The following MAST4 variants were observed in gnomAD, a reference collection of about 807,000 sequenced individuals.
MAST4 encodes the protein microtubule associated serine/threonine kinase family member 4, also known as microtubule-associated serine/threonine-protein kinase 4.
MAST4 carries 89 observed loss-of-function variants against 162.7 expected under a neutral mutation model. The ratio of observed to expected loss-of-function variants is 0.55; its 90% CI spans 0.46 to 0.65. The LOEUF is 0.65. Among genes scored for constraint, MAST4 ranks in the 30% least tolerant of loss-of-function variants. MAST4 has a pLI of 0.00. For missense variants in MAST4, 3,153 were observed against 3,374.0 expected, an observed-to-expected ratio of 0.93 and a Z score of 1.62; for synonymous variants, 1,479 against 1,361.1, an observed-to-expected ratio of 1.09 and a Z score of -1.91.
In MAST4 at chr5:66,973,519, C is replaced by T. The variant is rs574311445; in HGVS notation, c.674+73537C>T. On this transcript the variant is annotated intron_variant, in intron 4 of 28. Transcript: ENST00000403625. The stretch of plus-strand genomic sequence containing the variant: ...CAAGAACAGGTGATGATGTCCTCCT[C>T]ATAGCATCACACCAGGAAGTCCAAA... Among the ~76,000 whole-genome samples the T allele has an allele frequency of 2.0e-5, 3 of 152,280 alleles. No individual in the cohort carries two copies. In the East Asian group the frequency reaches 5.8e-4, roughly 29 times the overall value.
At chr5:67,017,269 A>G (rs910163342) in intron 4 of MAST4, among the ~76,000 whole-genome samples, 2 of 152,206 alleles carry the variant, frequency 1.3e-5, no homozygotes, top group African/African-American at 4.8e-5. Context: ...TGGTGATACA[A>G]TATGTGAGCT....
At chr5:66,737,764 C>G (rs555247328) in intron 1 of MAST4, among the ~76,000 whole-genome samples, 1 of 152,182 alleles carries the variant, frequency 6.6e-6, no homozygotes, top group Admixed American at 6.5e-5. Context: ...TCACTCCTTA[C>G]AGCATAATTT....
intron 1 of MAST4, among the ~76,000 whole-genome samples, chr5:66,657,023 T>C (rs1221649446): frequency 1.3e-5 from 2 of 152,210 alleles, no homozygotes; most frequent in Non-Finnish European, 2.9e-5. Flanking sequence ...TATCTATTTA[T>C]TTTTGCAGTT....
chr5:66,800,613 G>A (rs1226404582), intron 3 of MAST4, among the ~76,000 whole-genome samples: 2 of 152,052 alleles, frequency 1.3e-5, no homozygotes, highest in East Asian at 3.9e-4. Context: ...ATACCTGGGT[G>A]ATGAAATAAT....
At chr5:67,138,822 A>G in intron 19 of MAST4, among the ~76,000 whole-genome samples, 1 of 152,090 alleles carries the variant, frequency 6.6e-6, no homozygotes, top group Admixed American at 6.5e-5. Context: ...AAAATTTCAG[A>G]TTTTGGAGCA....
intron 4 of MAST4, among the ~76,000 whole-genome samples, chr5:66,980,197 C>T (rs1248626065): frequency 6.6e-6 from 1 of 152,110 alleles, no homozygotes; most frequent in East Asian, 1.9e-4. Flanking sequence ...AGAGATAAGT[C>T]CCCCAGGGGT....
chr5:66,951,700 A>T (rs934546471), intron 4 of MAST4, among the ~76,000 whole-genome samples: 1 of 130,756 alleles, frequency 7.6e-6, no homozygotes. Context: ...CTCCTTTATA[A>T]CTTTGTGCTT....
intron 3 of MAST4, among the ~76,000 whole-genome samples, chr5:66,871,431 A>G (rs1000447634): frequency 2.0e-5 from 3 of 152,218 alleles, no homozygotes; most frequent in Admixed American, 1.3e-4. Flanking sequence ...CAGCAGTTAT[A>G]CATGTTATGT....
chr5:66,747,030 G>A (rs901630313), intron 1 of MAST4, among the ~76,000 whole-genome samples: 22 of 151,684 alleles, frequency 1.5e-4, no homozygotes, highest in Non-Finnish European at 2.4e-4. Flanking sequence ...AATGCCTACA[G>A]TGTCGTGCTC....
Position 66,831,351 on chromosome 5 carries a change from T to C in MAST4, c.642+42557T>C, listed in dbSNP as rs184503517. ...TTTTTAAAAGCATCTGTGCATTGAA[T>C]AGATACATAGTATGTGAGACAAACC... On this transcript the variant is annotated intron_variant, in intron 3 of 28. Coordinates refer to ENST00000403625, the MANE Select transcript of MAST4 (RefSeq NM_001164664.2). Among the ~76,000 whole-genome samples, 5 of 152,282 alleles carry C rather than the reference T, an allele frequency of 3.3e-5. No homozygotes were observed. In the East Asian group the frequency reaches 7.7e-4, roughly 24 times the overall value.
chr5:66,861,617 G>T lies in MAST4; in HGVS notation c.643-38334G>T, dbSNP rs181500166. Among the ~76,000 whole-genome samples the T allele has an allele frequency of 3.2e-4, 49 of 152,328 alleles. No homozygotes were observed. The East Asian group carries it at 5.0e-3, about 16-fold the overall frequency. On this transcript the variant is annotated intron_variant, in intron 3 of 28. Transcript: ENST00000403625. Reference sequence around the variant, plus strand: ...TGGAACCACTGTGGGGAGCCAAAATGCTGTGTTTTACATTCTCCTGGTAAA... The same window carrying T: ...TGGAACCACTGTGGGGAGCCAAAATTCTGTGTTTTACATTCTCCTGGTAAA...
intron 23 of MAST4, among the ~76,000 whole-genome samples, chr5:67,148,806 A>G (rs1041437465): frequency 7.2e-5 from 11 of 152,324 alleles, no homozygotes; most frequent in Middle Eastern, 3.4e-3. Flanking sequence ...AGAAGTGAGA[A>G]GAGACACTTT....
intron 4 of MAST4, among the ~76,000 whole-genome samples, chr5:67,015,713 G>A (rs896424820): frequency 3.9e-5 from 6 of 152,080 alleles, no homozygotes; most frequent in Non-Finnish European, 8.8e-5. Context: ...TTATAAATTC[G>A]GCCAAAAGAC....
chr5:66,941,605 A>G (rs1178971449), intron 4 of MAST4, among the ~76,000 whole-genome samples: 1 of 152,154 alleles, frequency 6.6e-6, no homozygotes, highest in East Asian at 1.9e-4. Flanking sequence ...AGGCTGTTTC[A>G]CTTTCTTACC....
chr5:67,153,648 A>G, intron 26 of MAST4, 68 bp downstream of exon 26: 2 of 1,424,536 alleles, frequency 1.4e-6, no homozygotes, highest in Non-Finnish European at 1.9e-6. Flanking sequence ...GTACCAGGAG[A>G]TTGATTTCCC....
chr5:67,160,444 T>C lies in MAST4; in HGVS notation c.3649-12T>C, dbSNP rs761563595. 1 of 1,602,142 alleles carries C rather than the reference T, an allele frequency of 6.2e-7. No homozygotes were observed. Among genetic ancestry groups the C allele is most frequent in the Non-Finnish European group, 8.5e-7 (1 of 1,175,246 alleles). ...AGCATTTCCCTTTAATGCCACCTCA[T>C]CTTTTCTTTAGAGTGGGAATAAGGT... On this transcript the variant is annotated splice_polypyrimidine_tract_variant and intron_variant, in intron 26 of 28. Coordinates refer to ENST00000403625, the MANE Select transcript of MAST4 (RefSeq NM_001164664.2).
intron 1 of MAST4, among the ~76,000 whole-genome samples, chr5:66,732,036 C>T (rs1271956266): frequency 6.6e-6 from 1 of 151,948 alleles, no homozygotes; most frequent in African/African-American, 2.4e-5. Flanking sequence ...CACGCAGGCC[C>T]TTTTGTCTCA....
At chr5:66,974,429 T>A (rs1747862462) in intron 4 of MAST4, among the ~76,000 whole-genome samples, 1 of 152,228 alleles carries the variant, frequency 6.6e-6, no homozygotes, top group African/African-American at 2.4e-5. Context: ...CTGAGATGAA[T>A]CAGACTGACT....
chr5:66,724,922 G>C (rs1389228196), intron 1 of MAST4, among the ~76,000 whole-genome samples: 1 of 151,778 alleles, frequency 6.6e-6, no homozygotes, highest in East Asian at 1.9e-4. Flanking sequence ...CAAAGATTAG[G>C]CTCCCTCTAT....
Sources: gnomAD v4.1 joint callset for allele counts (sites outside exome capture counted in the v4.1 genomes callset) on GRCh38, gnomAD v4.1.1 for gene constraint, MANE v1.5 for transcripts, NCBI Gene and HGNC (gene_info 2026-07-23, HGNC 2026-07-21) for gene names.